Variants in LOC728392 observed in about 807,000 individuals in gnomAD.
chr17:5,500,832 G>A, the LOC728392 span: 17,108 of 1,200,142 alleles, frequency 0.014, 152 homozygotes, highest in South Asian at 0.019. The surrounding 1 kb of genome is among the most constrained non-coding windows in gnomAD (Gnocchi z 5.4). Context: ...GGCCGACGCC[G>A]ACCTGGGCCC....
chr17:5,500,440 T>C, the LOC728392 span: 2 of 1,137,846 alleles, frequency 1.8e-6, no homozygotes, highest in Non-Finnish European at 2.2e-6. The surrounding 1 kb of genome is among the most constrained non-coding windows in gnomAD (Gnocchi z 5.4). Flanking sequence ...ACTTTCGTAC[T>C]GATAGACAAA....
At chr17:5,500,596 C>T in the LOC728392 span, 1 of 1,248,288 alleles carries the variant, frequency 8.0e-7, no homozygotes, top group Non-Finnish European at 1.0e-6. The surrounding 1 kb of genome is among the most constrained non-coding windows in gnomAD (Gnocchi z 5.4). Context: ...GCGCTGGCCA[C>T]TCAGGCAAGC....
At chr17:5,500,126 A>G in the LOC728392 span, 1 of 986,608 alleles carries the variant, frequency 1.0e-6, no homozygotes, top group Middle Eastern at 5.2e-4. The surrounding 1 kb of genome is among the most constrained non-coding windows in gnomAD (Gnocchi z 5.4). Flanking sequence ...GGGGCGATGC[A>G]GCATCACAGG....
At chr17:5,500,228 T>G in the LOC728392 span, 1 of 992,222 alleles carries the variant, frequency 1.0e-6, no homozygotes, top group African/African-American at 1.7e-5. This position sits in a 1 kb window ranked among gnomAD's most constrained non-coding sequence, Gnocchi z 5.4. Flanking sequence ...CCCTTAAAGA[T>G]TCCAAGATTG....
At chr17:5,500,277 C>T in the LOC728392 span, 1 of 999,174 alleles carries the variant, frequency 1.0e-6, no homozygotes, top group Non-Finnish European at 1.2e-6. This position sits in a 1 kb window ranked among gnomAD's most constrained non-coding sequence, Gnocchi z 5.4. Flanking sequence ...ATGATGGGAT[C>T]CCTGCGCGTG....
the LOC728392 span, chr17:5,500,969 G>A: frequency 1.5e-3 from 1,893 of 1,240,016 alleles, 44 homozygotes; most frequent in South Asian, 0.023. The surrounding 1 kb of genome is among the most constrained non-coding windows in gnomAD (Gnocchi z 5.4). Context: ...GCAGGATCGC[G>A]GGTAGGTGGG....
At chr17:5,500,434 T>C in the LOC728392 span, 1 of 1,132,450 alleles carries the variant, frequency 8.8e-7, no homozygotes, top group Non-Finnish European at 1.1e-6. This position sits in a 1 kb window ranked among gnomAD's most constrained non-coding sequence, Gnocchi z 5.4. Context: ...CTTTGTACTT[T>C]CGTACTGATA....
the LOC728392 span, chr17:5,500,469 G>A: frequency 8.7e-7 from 1 of 1,147,326 alleles, no homozygotes; most frequent in Non-Finnish European, 1.1e-6. The surrounding 1 kb of genome is among the most constrained non-coding windows in gnomAD (Gnocchi z 5.4). Flanking sequence ...CAACAAAGAC[G>A]GAAAGAAACA....
the LOC728392 span, chr17:5,500,521 A>G: frequency 8.3e-7 from 1 of 1,197,682 alleles, no homozygotes; most frequent in Non-Finnish European, 1.1e-6. This position sits in a 1 kb window ranked among gnomAD's most constrained non-coding sequence, Gnocchi z 5.4. Flanking sequence ...GCTGTTCTAA[A>G]ACACAAAATG....
chr17:5,500,822 G>C, the LOC728392 span: 2 of 1,177,822 alleles, frequency 1.7e-6, no homozygotes, highest in Non-Finnish European at 2.2e-6. The surrounding 1 kb of genome is among the most constrained non-coding windows in gnomAD (Gnocchi z 5.4). Context: ...TCTTGCCCGC[G>C]GCCGACGCCG....
chr17:5,500,624 A>G, the LOC728392 span: 3 of 1,268,166 alleles, frequency 2.4e-6, no homozygotes, highest in Non-Finnish European at 3.1e-6. This position sits in a 1 kb window ranked among gnomAD's most constrained non-coding sequence, Gnocchi z 5.4. Context: ...GGATATAGGT[A>G]AAGATGCAGG....
chr17:5,500,350 A>G, the LOC728392 span: 1 of 1,047,666 alleles, frequency 9.5e-7, no homozygotes, highest in Non-Finnish European at 1.2e-6. This position sits in a 1 kb window ranked among gnomAD's most constrained non-coding sequence, Gnocchi z 5.4. Context: ...GCTCAATCAC[A>G]CCCCAAAATT....
the LOC728392 span, chr17:5,500,039 G>C: frequency 1.0e-6 from 1 of 986,200 alleles, no homozygotes; most frequent in Non-Finnish European, 1.2e-6. The surrounding 1 kb of genome is among the most constrained non-coding windows in gnomAD (Gnocchi z 5.4). Flanking sequence ...ACCGAGTCCC[G>C]CCCTCCAGCT....
the LOC728392 span, chr17:5,500,851 CGGGA>C: frequency 6.3e-5 from 77 of 1,228,814 alleles, no homozygotes; most frequent in Non-Finnish European, 7.7e-5. This position sits in a 1 kb window ranked among gnomAD's most constrained non-coding sequence, Gnocchi z 5.4. Context: ...CCGCGGGCAG[CGGGA>C]GGGTCTTCCG....
At chr17:5,500,563 C>G in the LOC728392 span, 1 of 1,218,464 alleles carries the variant, frequency 8.2e-7, no homozygotes, top group Admixed American at 4.0e-5. This position sits in a 1 kb window ranked among gnomAD's most constrained non-coding sequence, Gnocchi z 5.4. Context: ...CCTCCCCGCT[C>G]GGTCCTGCGC....
the LOC728392 span, chr17:5,500,688 T>C: frequency 2.8e-5 from 35 of 1,270,858 alleles, no homozygotes; most frequent in East Asian, 7.6e-5. This position sits in a 1 kb window ranked among gnomAD's most constrained non-coding sequence, Gnocchi z 5.4. Context: ...GTGCGGAAAA[T>C]GGTCGAGATA....
the LOC728392 span, chr17:5,500,978 G>T: frequency 8.1e-7 from 1 of 1,232,744 alleles, no homozygotes; most frequent in South Asian, 1.3e-5. The surrounding 1 kb of genome is among the most constrained non-coding windows in gnomAD (Gnocchi z 5.4). Flanking sequence ...CGGGTAGGTG[G>T]GTCAGCCGGG....
the LOC728392 span, chr17:5,500,867 G>A: frequency 8.0e-7 from 1 of 1,245,488 alleles, no homozygotes; most frequent in Middle Eastern, 2.5e-4. This position sits in a 1 kb window ranked among gnomAD's most constrained non-coding sequence, Gnocchi z 5.4. Flanking sequence ...GGTCTTCCGG[G>A]GGAGGCTTGT....
At chr17:5,499,510 G>C in the LOC728392 span, 1 of 152,410 alleles carries the variant, frequency 6.6e-6, no homozygotes, top group African/African-American at 2.4e-5. Flanking sequence ...ATAATATGCA[G>C]GGTTAGAGCG....
Sources: allele counts gnomAD v4.1 joint callset, GRCh38; gene constraint gnomAD v4.1.1; non-coding constraint Gnocchi (gnomAD v3.1); transcripts MANE v1.5.